SART3: variants seen among roughly 807,000 people sequenced by gnomAD.
SART3 encodes the protein spliceosome associated factor 3, U4/U6 recycling protein.
In SART3, 44 loss-of-function variants were observed where a neutral mutation model predicts 122.3. The observed-to-expected ratio is 0.36, with a 90% CI of 0.28 to 0.46. The LOEUF is 0.46. Ranked by LOEUF, SART3 falls within the 20% of genes least tolerant of loss-of-function variation. The probability of loss-of-function intolerance (pLI) is 1.00; values close to 1 mark genes in which losing one functional copy is unlikely to be tolerated. For missense variants in SART3, 1,101 were observed against 1,229.0 expected, an observed-to-expected ratio of 0.90 and a Z score of 1.56; for synonymous variants, 442 against 454.0, an observed-to-expected ratio of 0.97 and a Z score of 0.34.
chr12:108,532,413 G>GTAACTCTTCA, intron 12 of SART3, 79 bp from the exon 13 acceptor site: 4 of 1,140,514 alleles, frequency 3.5e-6, no homozygotes, highest in Non-Finnish European at 5.2e-6. Context: ...TCTTCTCCCA[G>GTAACTCTTCA]GTAGAAACTC....
At chr12:108,528,742 G>C (rs1477942126) in intron 15 of SART3, among the ~76,000 whole-genome samples, 1 of 152,200 alleles carries the variant, frequency 6.6e-6, no homozygotes, top group African/African-American at 2.4e-5. Flanking sequence ...GGCAGGCACA[G>C]GAAGTTGATT....
At chr12:108,551,984 A>G (rs765979609) in intron 1 of SART3, among the ~76,000 whole-genome samples, 1 of 152,234 alleles carries the variant, frequency 6.6e-6, no homozygotes, top group African/African-American at 2.4e-5. Flanking sequence ...AATTCAGTGT[A>G]TAAGAAGAAT....
At chr12:108,540,275 G>C (rs1873098536) in intron 6 of SART3, among the ~76,000 whole-genome samples, 1 of 152,178 alleles carries the variant, frequency 6.6e-6, no homozygotes, top group Admixed American at 6.5e-5. Flanking sequence ...TTGCTGAGAG[G>C]ACACATTGTC....
chr12:108,538,939 A>G lies in SART3; in HGVS notation c.1057T>C (p.Tyr353His), dbSNP rs766487226. The change falls in exon 7 of 19, where the codon TAC becomes CAC. Residue 353 changes from tyrosine to histidine, a missense_variant. Tyr to His is a moderately conservative substitution (Grantham distance 83). Around this residue, in one of 2 missense-constraint regions of SART3, gnomAD observed 885 missense variants for 1,080.1 expected, o/e 0.82. Coordinates refer to ENST00000546815, the MANE Select transcript of SART3 (RefSeq NM_014706.4). Reference sequence around the variant, plus strand: ...AATTAGAACAGTGATCTTACTAGGTACTGACTGTAACGGATCCATAAGTCT... The same window carrying G: ...AATTAGAACAGTGATCTTACTAGGTGCTGACTGTAACGGATCCATAAGTCT... ...VPDLWIRYSQ[Y>H]LDRQLKVKDL... The G allele has an allele frequency of 3.7e-5, 59 of 1,614,060 alleles. No homozygotes were observed. The highest frequency in any genetic ancestry group is 1.2e-4 in the Admixed American group (7 of 60,000).
chr12:108,551,180 A>G (rs549928561), intron 1 of SART3, among the ~76,000 whole-genome samples: 1 of 152,352 alleles, frequency 6.6e-6, no homozygotes, highest in South Asian at 2.1e-4. Context: ...AAAAAGTTGA[A>G]GCGGACATAT....
rs770615859 is a variant in SART3 at position 108,535,464 on chromosome 12, C to T, written c.1451G>A (p.Arg484Gln). The change falls in exon 12 of 19, where the codon CGA becomes CAA. Residue 484 changes from arginine to glutamine, a missense_variant. Coordinates refer to ENST00000546815, the MANE Select transcript of SART3 (RefSeq NM_014706.4). ...IMQNWARIEA[R>Q]LCNNMQKARE... ...AGCTTTCTGCATGTTATTGCACAGT[C>T]GAGCCTAAAGTGCATCAGCAGGCTG... 19 of 1,613,734 alleles carry T rather than the reference C, an allele frequency of 1.2e-5. No homozygotes were observed. The South Asian group carries it at 1.6e-4, about 14-fold the overall frequency.
chr12:108,556,085 A>G (rs1187805965), intron 1 of SART3, among the ~76,000 whole-genome samples: 1 of 131,586 alleles, frequency 7.6e-6, no homozygotes, highest in Non-Finnish European at 1.6e-5. Context: ...AAAAACAGTG[A>G]CTTTGAGAAA....
intron 15 of SART3, 77 bp from the exon 16 acceptor site, chr12:108,526,630 G>GA (rs35401130): frequency 1.3e-6 from 2 of 1,483,440 alleles, no homozygotes; most frequent in Non-Finnish European, 1.9e-6. Context: ...GGTGTGAAGT[G>GA]AAAGTGCTGT....
At chr12:108,535,676 A>C in intron 11 of SART3, 1 of 587,228 alleles carries the variant, frequency 1.7e-6, no homozygotes, top group Non-Finnish European at 3.1e-6. Context: ...TAATCTACCT[A>C]TGTTTCCTGA....
At chr12:108,544,918 TA>T in intron 4 of SART3, 3 of 614,820 alleles carry the variant, frequency 4.9e-6, no homozygotes, top group South Asian at 1.9e-5. Context: ...CAGTTCAAGC[TA>T]AAAAAATTTA....
intron 14 of SART3, among the ~76,000 whole-genome samples, chr12:108,530,850 T>C (rs970379264): frequency 6.7e-6 from 1 of 148,352 alleles, no homozygotes; most frequent in Non-Finnish European, 1.5e-5. Context: ...AGAGCGAGAC[T>C]CCGTCTCAAA....
At chr12:108,535,789 A>G (rs1209081507) in intron 11 of SART3, among the ~76,000 whole-genome samples, 1 of 151,324 alleles carries the variant, frequency 6.6e-6, no homozygotes, top group African/African-American at 2.4e-5. Context: ...ACAATGTTAA[A>G]AAAAAAAAAA....
In SART3 at chr12:108,538,122, A is replaced by G; in HGVS notation, c.1144T>C (p.Trp382Arg). 1 of 1,614,212 alleles carries G rather than the reference A, an allele frequency of 6.2e-7. No individual in the cohort carries two copies. Among genetic ancestry groups the G allele is most frequent in the Non-Finnish European group, 8.5e-7 (1 of 1,180,018 alleles). ...TCCATGGCCAAGAGGTACCGACTCC[A>G]TAAGGCAACTGTCCAGGGGCAGTTT... ...IRNCPWTVAL[W>R]SRYLLAMERH... The change falls in exon 8 of 19, where the codon TGG (tryptophan) becomes CGG (arginine). Residue 382 changes from tryptophan (W) to arginine (R), a missense_variant. Physicochemically the swap from Trp to Arg is moderately radical, Grantham distance 101 (BLOSUM62 -3). Around this residue, in one of 2 missense-constraint regions of SART3, gnomAD observed 885 missense variants for 1,080.1 expected, o/e 0.82. Transcript: ENST00000546815.
chr12:108,560,854 G>A lies in SART3; in HGVS notation c.301C>T (p.Leu101=). 3 of 1,592,478 alleles carry A rather than the reference G, an allele frequency of 1.9e-6. No homozygotes were observed. The highest frequency in any genetic ancestry group is 2.6e-6 in the Non-Finnish European group (3 of 1,165,660). ...EEKNQLEIER[L]EEQLSINVYD... Reference sequence around the variant, plus strand: ...ACCCCCGGGCCCACCTGCTCCTCCAGTCTCTCAATCTCCAGCTGGTTTTTC... The same window carrying A: ...ACCCCCGGGCCCACCTGCTCCTCCAATCTCTCAATCTCCAGCTGGTTTTTC... Residue 101 remains leucine, a synonymous_variant, in exon 1 of 19, where the codon CTG becomes TTG. Coordinates refer to ENST00000546815, the MANE Select transcript of SART3 (RefSeq NM_014706.4).
At position 108,537,223 on chromosome 12, in the gene SART3, T is replaced by G. The variant is rs1593239436; in HGVS notation, c.1309+265A>C. 4 of 468,162 alleles carry G rather than the reference T, an allele frequency of 8.5e-6. No homozygotes were observed. In the East Asian group the frequency reaches 1.7e-4, roughly 20 times the overall value. 29.0% of individuals were successfully genotyped at this position (468,162 alleles called of 1,614,324 possible). On this transcript the variant is annotated intron_variant, in intron 9 of 18. Coordinates refer to ENST00000546815, the MANE Select transcript of SART3 (RefSeq NM_014706.4). ...GACTTATTTCAAGAAGTATTTAGGATAAATAAAAAGACCTGAAAGGAGAAA... is the reference window on the plus strand; with the variant it reads ...GACTTATTTCAAGAAGTATTTAGGAGAAATAAAAAGACCTGAAAGGAGAAA...
chr12:108,525,278 AG>A (rs1318291280), intron 17 of SART3, among the ~76,000 whole-genome samples, 178 bp downstream of exon 17: 1 of 152,266 alleles, frequency 6.6e-6, no homozygotes, highest in Non-Finnish European at 1.5e-5. Flanking sequence ...AACTACAAAC[AG>A]GTTAATCTGA....
rs555821427 is a variant in SART3 at position 108,534,599 on chromosome 12, G to A, written c.1556+760C>T. On this transcript the variant is annotated intron_variant, in intron 12 of 18. Coordinates refer to ENST00000546815, the MANE Select transcript of SART3 (RefSeq NM_014706.4). ...AGAGGCTGAGGCAGAAGAATTGCTCGAACCCAGGAGGCAAGGTTGCAGCTG... is the reference window on the plus strand; with the variant it reads ...AGAGGCTGAGGCAGAAGAATTGCTCAAACCCAGGAGGCAAGGTTGCAGCTG... Among the ~76,000 whole-genome samples the A allele has an allele frequency of 2.3e-3, 349 of 152,050 alleles. 1 individual carries two copies. The highest frequency in any genetic ancestry group is 7.6e-3 in the African/African-American group (317 of 41,464).
At chr12:108,545,399 T>C (rs1873358893) in intron 3 of SART3, 76 bp from the exon 4 acceptor site, 4 of 1,433,600 alleles carry the variant, frequency 2.8e-6, no homozygotes, top group Admixed American at 3.5e-5. Flanking sequence ...ACAAACGAAA[T>C]GTGCCTACCA....
At chr12:108,558,756 A>G (rs10861942) in intron 1 of SART3, among the ~76,000 whole-genome samples, 112,763 of 152,160 alleles carry the variant, frequency 0.74, 43,684 homozygotes, top group East Asian at 0.92. Flanking sequence ...AGTAGAGGGC[A>G]GGCGCGGTGG....
Sources: gnomAD v4.1 joint callset for allele counts (sites outside exome capture counted in the v4.1 genomes callset) on GRCh38, gnomAD v4.1.1 for gene constraint, gnomAD v4.1.1 regional missense constraint, MANE v1.5 for transcripts, NCBI Gene and HGNC (gene_info 2026-07-23, HGNC 2026-07-21) for gene names.